EXT1: variants seen among roughly 807,000 people sequenced by gnomAD.
The protein encoded by EXT1 is exostosin-1.
In EXT1, 20 loss-of-function variants were observed where a neutral mutation model predicts 82.5. That is an observed-to-expected ratio of 0.24 (90% CI 0.17 to 0.35). The LOEUF is 0.35. Ranked by LOEUF, EXT1 falls within the 10% of genes least tolerant of loss-of-function variation. EXT1 has a pLI of 1.00. For synonymous variants in EXT1, 348 were observed against 350.8 expected (o/e 0.99, Z 0.09); for missense variants, 757 against 936.5 (o/e 0.81, Z 2.50).
At chr8:117,833,592 G>A (rs760659081) in intron 3 of EXT1, among the ~76,000 whole-genome samples, 80 of 151,346 alleles carry the variant, frequency 5.3e-4, no homozygotes, top group Non-Finnish European at 3.7e-4. Flanking sequence ...TCCAGCTTGA[G>A]TGACAGAGCG....
At chr8:117,959,353 C>T (rs1289056152) in intron 1 of EXT1, among the ~76,000 whole-genome samples, 1 of 152,218 alleles carries the variant, frequency 6.6e-6, no homozygotes, top group Admixed American at 6.5e-5. Context: ...GTCCATCACT[C>T]GCTTCTGCTT....
intron 1 of EXT1, among the ~76,000 whole-genome samples, chr8:117,869,707 C>G (rs1299051453): frequency 6.6e-6 from 1 of 152,088 alleles, no homozygotes; most frequent in Non-Finnish European, 1.5e-5. Flanking sequence ...TAAAATAATC[C>G]TATTTCATTA....
intron 1 of EXT1, among the ~76,000 whole-genome samples, chr8:117,858,858 A>T (rs1338129108): frequency 1.6e-5 from 1 of 60,972 alleles, no homozygotes; most frequent in Non-Finnish European, 4.0e-5. Context: ...AGAAAGAAAG[A>T]AAGAAAGAAA....
At chr8:117,888,934 G>A (rs542093756) in intron 1 of EXT1, among the ~76,000 whole-genome samples, 1 of 152,176 alleles carries the variant, frequency 6.6e-6, no homozygotes, top group Admixed American at 6.5e-5. Context: ...AATCTTTCTC[G>A]CTGATGCAAA....
At chr8:118,047,058 T>C (rs2129915776) in intron 1 of EXT1, among the ~76,000 whole-genome samples, 1 of 152,216 alleles carries the variant, frequency 6.6e-6, no homozygotes, top group Middle Eastern at 3.4e-3. Context: ...TAATTCATTT[T>C]ACTCCAAAAA....
At chr8:117,945,910 G>A (rs1814378272) in intron 1 of EXT1, among the ~76,000 whole-genome samples, 1 of 151,812 alleles carries the variant, frequency 6.6e-6, no homozygotes, top group Admixed American at 6.6e-5. Context: ...TTTTTGTTTT[G>A]TTTTGTTTGA....
intron 1 of EXT1, among the ~76,000 whole-genome samples, chr8:117,878,697 C>T (rs1813010525): frequency 6.6e-6 from 1 of 152,216 alleles, no homozygotes. Context: ...GCTGTAAATG[C>T]AACTACCTCA....
chr8:118,023,459 T>C (rs181819261), intron 1 of EXT1, among the ~76,000 whole-genome samples: 6 of 152,256 alleles, frequency 3.9e-5, no homozygotes, highest in Admixed American at 3.9e-4. Flanking sequence ...AGCTTTAAAA[T>C]AGGAATGGCT....
chr8:118,099,541 C>T (rs1056850737), intron 1 of EXT1, among the ~76,000 whole-genome samples: 1 of 152,122 alleles, frequency 6.6e-6, no homozygotes, highest in Non-Finnish European at 1.5e-5. Flanking sequence ...GACATCAGTT[C>T]CAGCTGTTCA....
intron 1 of EXT1, among the ~76,000 whole-genome samples, chr8:118,081,997 G>C (rs184058246): frequency 6.6e-6 from 1 of 152,106 alleles, no homozygotes; most frequent in African/African-American, 2.4e-5. Flanking sequence ...AACAAGAGTC[G>C]GGGAGTTCTT....
chr8:117,962,621 T>A (rs1255983156), intron 1 of EXT1, among the ~76,000 whole-genome samples: 2 of 152,062 alleles, frequency 1.3e-5, no homozygotes, highest in Non-Finnish European at 2.9e-5. Context: ...GGCTTTGTGG[T>A]GCATGCCTGT....
At position 117,795,048 on chromosome 8, in the gene EXT1, T is replaced by C. The variant is rs1446062687; in HGVS notation, c.*4664A>G. 6.6e-6 allele frequency: 1 copy of C among 152,198 alleles called. No homozygotes were observed. The highest frequency in any genetic ancestry group is 1.5e-5 in the Non-Finnish European group (1 of 68,042). The allele number at this position is 152,198 out of a possible 1,614,324, so 9.4% of individuals were successfully genotyped here. ...CCTGTAGGAGAAGAACAGAAAACTA[T>C]TGCAGAAATCAAATGGCCTGAGGCC... On this transcript the variant is annotated 3_prime_UTR_variant, in exon 11 of 11. Transcript: ENST00000378204.
rs17430666 is a variant in EXT1, at chr8:117,912,947, C to G, written c.963-75746G>C. On this transcript the variant is annotated intron_variant, in intron 1 of 10. Coordinates refer to ENST00000378204, the MANE Select transcript of EXT1 (RefSeq NM_000127.3). ...CTGAGCATTTCTTAAAATGTGGCCG[C>G]GCACAGTGGCTCATGCCTATAATCC... is the stretch of plus-strand genomic sequence containing the variant. Among the ~76,000 whole-genome samples the G allele has an allele frequency of 6.1e-3, 931 of 152,226 alleles. 3 individuals carry two copies. Among genetic ancestry groups the G allele is most frequent in the African/African-American group, 0.01 (427 of 41,532 alleles).
chr8:117,943,500 G>A (rs1393447791), intron 1 of EXT1, among the ~76,000 whole-genome samples: 1 of 152,214 alleles, frequency 6.6e-6, no homozygotes, highest in Non-Finnish European at 1.5e-5. Flanking sequence ...AGTATATTCA[G>A]TAGAATGGAA....
chr8:117,979,697 A>T (rs1267085683), intron 1 of EXT1, among the ~76,000 whole-genome samples: 1 of 152,106 alleles, frequency 6.6e-6, no homozygotes, highest in Non-Finnish European at 1.5e-5. Flanking sequence ...TCCACAACAA[A>T]ATGTTCTACA....
rs537254767 is a variant in EXT1, at chr8:117,937,309, A to C, written c.963-100108T>G. On this transcript the variant is annotated intron_variant, in intron 1 of 10. Transcript: ENST00000378204. ...GTGTAGGTAATGGAAGTTCATCATA[A>C]TGTAACAAGTTCACTCAGTACTTAA... Among the ~76,000 whole-genome samples, 262 of 152,346 alleles carry C rather than the reference A, an allele frequency of 1.7e-3. 2 individuals are homozygous for C. The highest frequency in any genetic ancestry group is 6.0e-3 in the African/African-American group (249 of 41,576).
At chr8:117,877,488 C>T (rs1427399651) in intron 1 of EXT1, among the ~76,000 whole-genome samples, 1 of 152,152 alleles carries the variant, frequency 6.6e-6, no homozygotes, top group South Asian at 2.1e-4. Context: ...TGCATTAAAA[C>T]ATTTTTGCAG....
At chr8:117,900,592 C>T (rs907556060) in intron 1 of EXT1, among the ~76,000 whole-genome samples, 1 of 152,194 alleles carries the variant, frequency 6.6e-6, no homozygotes. Flanking sequence ...CCCTCACTGA[C>T]AAACGGGCTA....
At chr8:118,070,948 C>T (rs1042869019) in intron 1 of EXT1, among the ~76,000 whole-genome samples, 3 of 152,070 alleles carry the variant, frequency 2.0e-5, no homozygotes, top group Non-Finnish European at 4.4e-5. Flanking sequence ...TTCCTGAGGC[C>T]GTTTTAAAGC....
Sources: gnomAD v4.1 joint callset for allele counts (sites outside exome capture counted in the v4.1 genomes callset) on GRCh38, gnomAD v4.1.1 for gene constraint, MANE v1.5 for transcripts, NCBI Gene and HGNC (gene_info 2026-07-23, HGNC 2026-07-21) for gene names.